ABI1: variants seen among roughly 807,000 people sequenced by gnomAD.
The protein encoded by ABI1 is Abelson interactor 1.
In ABI1, 14 loss-of-function variants were observed where a neutral mutation model predicts 54.6. That is an observed-to-expected ratio of 0.26 (90% CI 0.17 to 0.40). ABI1 has a LOEUF of 0.40. ABI1 is among the 10% of genes least tolerant of loss of function. The pLI, the probability that ABI1 is intolerant of heterozygous loss-of-function variation, is 1.00. For missense variants in ABI1, 443 were observed against 598.3 expected (o/e 0.74, Z 2.71); for synonymous variants, 194 against 209.3 (o/e 0.93, Z 0.63).
chr10:26,853,117 C>T (rs930347919), intron 1 of ABI1, among the ~76,000 whole-genome samples: 11 of 151,694 alleles, frequency 7.3e-5, no homozygotes, highest in Admixed American at 2.0e-4. Context: ...AAAATGACCA[C>T]GTCAACTATT....
At chr10:26,770,665 T>G (rs1840575932) in intron 4 of ABI1, 1 of 577,832 alleles carries the variant, frequency 1.7e-6, no homozygotes, top group Non-Finnish European at 3.2e-6. Context: ...ATTTTTGAAA[T>G]GTGTGCATGA....
intron 2 of ABI1, among the ~76,000 whole-genome samples, chr10:26,804,106 G>C (rs2046731144): frequency 6.6e-6 from 1 of 152,182 alleles, no homozygotes; most frequent in Admixed American, 6.5e-5. Flanking sequence ...AGATCGGCTG[G>C]GTGTGGTGGC....
chr10:26,804,305 C>T (rs939948414), intron 2 of ABI1, among the ~76,000 whole-genome samples: 4 of 151,952 alleles, frequency 2.6e-5, no homozygotes, highest in African/African-American at 9.7e-5. Context: ...ATCTCTTGAA[C>T]CCGGGAGACA....
At chr10:26,831,706 A>G (rs2048688863) in intron 1 of ABI1, among the ~76,000 whole-genome samples, 1 of 142,742 alleles carries the variant, frequency 7.0e-6, no homozygotes, top group South Asian at 2.3e-4. Flanking sequence ...AAACATAGAA[A>G]TTATTTTTTA....
At chr10:26,854,556 T>C (rs1285874947) in intron 1 of ABI1, among the ~76,000 whole-genome samples, 2 of 152,120 alleles carry the variant, frequency 1.3e-5, no homozygotes, top group Non-Finnish European at 2.9e-5. Context: ...TGAATAAACA[T>C]GTAATGACAT....
intron 8 of ABI1, among the ~76,000 whole-genome samples, chr10:26,757,562 T>C (rs1838473126): frequency 6.6e-6 from 1 of 152,162 alleles, no homozygotes; most frequent in Non-Finnish European, 1.5e-5. Context: ...TAATCTGGAA[T>C]ATTTAGACAG....
intron 2 of ABI1, among the ~76,000 whole-genome samples, chr10:26,819,216 C>A (rs770259864): frequency 1.3e-5 from 2 of 151,896 alleles, no homozygotes; most frequent in African/African-American, 4.8e-5. Flanking sequence ...CAGCACCCCC[C>A]CCAAAAAAAA....
intron 2 of ABI1, among the ~76,000 whole-genome samples, chr10:26,797,846 A>G (rs956986350): frequency 3.3e-5 from 5 of 152,216 alleles, no homozygotes; most frequent in African/African-American, 1.2e-4. Context: ...TGACATTAAA[A>G]GCATTTTAAA....
chr10:26,822,972 T>C (rs2048082053), intron 2 of ABI1, among the ~76,000 whole-genome samples, 166 bp downstream of exon 2: 2 of 152,070 alleles, frequency 1.3e-5, no homozygotes. Flanking sequence ...CTTATCATGA[T>C]AAAAAAAGGA....
chr10:26,780,818 ATAAGTTAC>A (rs1424721036), intron 2 of ABI1, among the ~76,000 whole-genome samples: 1 of 152,208 alleles, frequency 6.6e-6, no homozygotes, highest in African/African-American at 2.4e-5. Flanking sequence ...CTGTGGAAGA[ATAAGTTAC>A]CAGCTTCCAA....
At chr10:26,756,935 T>C (rs1010087626) in intron 8 of ABI1, among the ~76,000 whole-genome samples, 1 of 152,168 alleles carries the variant, frequency 6.6e-6, no homozygotes, top group African/African-American at 2.4e-5. Context: ...ATTCATTGTA[T>C]AGCTAAAGAT....
chr10:26,761,657 T>C lies in ABI1; in HGVS notation c.821-2419A>G, dbSNP rs1315923551. The stretch of plus-strand genomic sequence containing the variant: ...ATATATATATATATATATATATATA[T>C]ATATACACACACACATACACATATA... On this transcript the variant is annotated intron_variant, in intron 7 of 10. Transcript: ENST00000376140. Among the ~76,000 whole-genome samples, 840 of 91,558 alleles carry C rather than the reference T, an allele frequency of 9.2e-3. 13 individuals carry two copies. The highest frequency in any genetic ancestry group is 0.022 in the African/African-American group (533 of 23,902). 60.1% of individuals were successfully genotyped at this position (91,558 alleles called of 152,430 possible). A position where few individuals can be genotyped will look rare whatever the true frequency, so the allele number is the denominator to read the frequency against.
chr10:26,778,176 C>T (rs1195051808), intron 2 of ABI1, among the ~76,000 whole-genome samples: 1 of 152,136 alleles, frequency 6.6e-6, no homozygotes, highest in Admixed American at 6.5e-5. Flanking sequence ...GCCTAGACAC[C>T]TGTTTGGTAG....
intron 1 of ABI1, among the ~76,000 whole-genome samples, chr10:26,849,726 G>A (rs2050247938): frequency 6.6e-6 from 1 of 152,080 alleles, no homozygotes; most frequent in African/African-American, 2.4e-5. Flanking sequence ...CTGGGATCTT[G>A]GAAAACTTGA....
chr10:26,805,154 A>G (rs1343454681), intron 2 of ABI1, among the ~76,000 whole-genome samples: 1 of 152,224 alleles, frequency 6.6e-6, no homozygotes, highest in African/African-American at 2.4e-5. Context: ...GAAGCTGGGC[A>G]TGGCAGAAAT....
chr10:26,763,595 G>A (rs184805880), intron 7 of ABI1, among the ~76,000 whole-genome samples: 109 of 149,364 alleles, frequency 7.3e-4, no homozygotes, highest in African/African-American at 2.3e-3. Context: ...TGCGGGGCAG[G>A]GGGGATTAGA....
intron 7 of ABI1, among the ~76,000 whole-genome samples, chr10:26,759,938 T>C (rs1838897969): frequency 1.3e-5 from 2 of 152,182 alleles, no homozygotes; most frequent in South Asian, 4.1e-4. Flanking sequence ...ATTTTCCCTA[T>C]TAAATTTTTA....
At chr10:26,812,862 T>A (rs1401577658) in intron 2 of ABI1, among the ~76,000 whole-genome samples, 3 of 152,194 alleles carry the variant, frequency 2.0e-5, no homozygotes, top group Admixed American at 2.0e-4. Context: ...TCTGAGGGAC[T>A]GGGAGTTATG....
At chr10:26,781,158 T>C (rs962220965) in intron 2 of ABI1, among the ~76,000 whole-genome samples, 4 of 152,192 alleles carry the variant, frequency 2.6e-5, no homozygotes, top group Non-Finnish European at 5.9e-5. Flanking sequence ...AGGTGACTCT[T>C]GGGTTTGGAT....
Sources: allele counts gnomAD v4.1 joint callset (sites outside exome capture counted in the v4.1 genomes callset), GRCh38; gene constraint gnomAD v4.1.1; transcripts MANE v1.5; gene names NCBI Gene and HGNC (gene_info 2026-07-23, HGNC 2026-07-21).